SPNS2: variants seen among roughly 807,000 people sequenced by gnomAD.
The protein encoded by SPNS2 is SPNS lysolipid transporter 2, sphingosine-1-phosphate, also known as sphingosine-1-phosphate transporter SPNS2.
A neutral mutation model predicts 57.6 loss-of-function variants in SPNS2; 37 were observed. That is an observed-to-expected ratio of 0.64 (90% CI 0.49 to 0.85). SPNS2 has a LOEUF of 0.85. Among genes scored for constraint, SPNS2 ranks in the 40% least tolerant of loss-of-function variants. The pLI is 0.00. For missense variants in SPNS2, 831 were observed against 779.1 expected, an observed-to-expected ratio of 1.07 and a Z score of -0.79; for synonymous variants, 440 against 346.9, an observed-to-expected ratio of 1.27 and a Z score of -2.98.
intron 9 of SPNS2, among the ~76,000 whole-genome samples, chr17:4,534,875 C>T (rs1047576391): frequency 1.3e-5 from 2 of 152,110 alleles, no homozygotes; most frequent in Non-Finnish European, 2.9e-5. Flanking sequence ...CTCCTGCCTC[C>T]ACCCCCAGGG....
In SPNS2 at chr17:4,533,282, G is replaced by A. The variant is rs758790337; in HGVS notation, c.1128G>A (p.Leu376=). Residue 376 remains leucine (L), a synonymous_variant, in exon 8 of 13, where the codon CTG becomes CTA. Coordinates refer to ENST00000329078, the MANE Select transcript of SPNS2 (RefSeq NM_001124758.3). ...CCATCACCTGCTTTACGGGATTTCT[G>A]GGCGTGGTCACGGGGGCAGGAGCCA... is the stretch of plus-strand genomic sequence containing the variant. ...FGAITCFTGF[L]GVVTGAGATR... 23 of 1,609,730 alleles carry A rather than the reference G, an allele frequency of 1.4e-5. No homozygotes were observed. Among genetic ancestry groups the A allele is most frequent in the Non-Finnish European group, 5.1e-6 (6 of 1,177,852 alleles).
chr17:4,534,547 A>C (rs1905673116), intron 9 of SPNS2: 1 of 152,920 alleles, frequency 6.5e-6, no homozygotes, highest in African/African-American at 2.4e-5. Context: ...ACTCGGGTGG[A>C]TTCTCAGGGT....
Position 4,537,504 on chromosome 17 carries a change from C to G in SPNS2, c.*56C>G. ...CACTCCCACCTCGTCTGGGAGGTGT[C>G]CTACAGCGTCCGGGACCGGCTGGGC... On this transcript the variant is annotated 3_prime_UTR_variant, in exon 13 of 13. Coordinates refer to ENST00000329078, the MANE Select transcript of SPNS2 (RefSeq NM_001124758.3). 2.2e-6 allele frequency: 1 copy of G among 456,898 alleles called. No individual in the cohort carries two copies. Among genetic ancestry groups the G allele is most frequent in the Non-Finnish European group, 4.4e-6 (1 of 227,046 alleles). The allele number at this position is 456,898 out of a possible 1,614,324, so 28.3% of individuals were successfully genotyped here.
intron 1 of SPNS2, among the ~76,000 whole-genome samples, chr17:4,513,019 C>T (rs910772136): frequency 2.0e-5 from 3 of 152,244 alleles, no homozygotes; most frequent in African/African-American, 7.2e-5. Context: ...CCTGCCTTTC[C>T]CTGCCCCTCG....
chr17:4,536,043 CT>C, intron 9 of SPNS2, 32 bp from the exon 10 acceptor site: 1 of 1,594,644 alleles, frequency 6.3e-7, no homozygotes, highest in Non-Finnish European at 8.5e-7. Context: ...AGCCTTTCTC[CT>C]CTGGCCGCTG....
intron 2 of SPNS2, among the ~76,000 whole-genome samples, chr17:4,518,654 A>C (rs943481650): frequency 5.4e-4 from 82 of 152,286 alleles, no homozygotes; most frequent in African/African-American, 1.8e-3. Context: ...CTCACGAGGA[A>C]GTGCCAGGAT....
In SPNS2 at chr17:4,536,191, T is replaced by A; in HGVS notation, c.1443+17T>A. The A allele has an allele frequency of 6.2e-7, 1 of 1,608,290 alleles. No individual in the cohort carries two copies. The highest frequency in any genetic ancestry group is 8.5e-7 in the Non-Finnish European group (1 of 1,177,902). On this transcript the variant is annotated intron_variant, in intron 10 of 12. Coordinates refer to ENST00000329078, the MANE Select transcript of SPNS2 (RefSeq NM_001124758.3). ...ATTGGCTTTGTGAGTAGCCCCGGGG[T>A]GGGGCTGGCCAGGGCAGGCTGGGGG...
chr17:4,532,175 TATCC>T (rs1597369148), intron 5 of SPNS2, among the ~76,000 whole-genome samples: 1 of 149,618 alleles, frequency 6.7e-6, no homozygotes, highest in African/African-American at 2.5e-5. Context: ...TCTGTCCATC[TATCC>T]GTCCATCCCT....
intron 6 of SPNS2, 105 bp from the exon 7 acceptor site, chr17:4,532,872 G>T: frequency 6.7e-7 from 1 of 1,501,504 alleles, no homozygotes; most frequent in Non-Finnish European, 8.9e-7. Context: ...CCTGGAGCCT[G>T]TAAGACGAGG....
chr17:4,533,628 C>T lies in SPNS2; in HGVS notation c.1279-160C>T, dbSNP rs530443327. On this transcript the variant is annotated intron_variant, in intron 8 of 12. Coordinates refer to ENST00000329078, the MANE Select transcript of SPNS2 (RefSeq NM_001124758.3). Reference sequence around the variant, plus strand: ...CCTCTGGGTGCCTCAGGGCCGTGGGCATGGCTTGAAGTCTCTGGATAGCCC... The same window carrying T: ...CCTCTGGGTGCCTCAGGGCCGTGGGTATGGCTTGAAGTCTCTGGATAGCCC... 1.4e-5 allele frequency: 15 copies of T among 1,036,294 alleles called. No homozygotes were observed. The East Asian group carries it at 3.1e-4, about 21-fold the overall frequency. The allele number at this position is 1,036,294 out of a possible 1,614,324, so 64.2% of individuals were successfully genotyped here.
At chr17:4,514,898 G>C (rs992667522) in intron 2 of SPNS2, among the ~76,000 whole-genome samples, 3 of 152,206 alleles carry the variant, frequency 2.0e-5, no homozygotes, top group Non-Finnish European at 2.9e-5. Flanking sequence ...CCCCCGCCCT[G>C]TGTGGCCCCT....
intron 2 of SPNS2, among the ~76,000 whole-genome samples, chr17:4,514,001 C>T (rs1035653416): frequency 1.3e-5 from 2 of 152,220 alleles, no homozygotes; most frequent in Non-Finnish European, 2.9e-5. Context: ...AGCCCACCAG[C>T]CCCTCCCTCC....
intron 3 of SPNS2, among the ~76,000 whole-genome samples, chr17:4,528,264 C>G (rs1183428258): frequency 6.6e-6 from 1 of 151,990 alleles, no homozygotes; most frequent in Admixed American, 6.6e-5. Flanking sequence ...CTCAGGTGAT[C>G]CTACCGCCTC....
At chr17:4,517,884 GA>G (rs1346587105) in intron 2 of SPNS2, among the ~76,000 whole-genome samples, 1 of 152,166 alleles carries the variant, frequency 6.6e-6, no homozygotes. Context: ...TACCAGAAGT[GA>G]AAAATATGTA....
chr17:4,514,101 G>A (rs987412299), intron 2 of SPNS2, among the ~76,000 whole-genome samples: 3 of 152,246 alleles, frequency 2.0e-5, no homozygotes, highest in African/African-American at 7.2e-5. Context: ...CACTGGCTGA[G>A]GCCATGTTGG....
chr17:4,499,410 C>T lies in SPNS2; in HGVS notation c.363C>T (p.Thr121=). Residue 121 remains threonine, a synonymous_variant, in exon 1 of 13, where the codon ACC becomes ACT. Coordinates refer to ENST00000329078, the MANE Select transcript of SPNS2 (RefSeq NM_001124758.3). The surrounding 1 kb of genome is among the most constrained non-coding windows in gnomAD (Gnocchi z 5.2). The part of the protein sequence containing the change: ...GNVLNYLDRY[T]VAGVLLDIQQ... ...TGCTCAACTACCTGGACAGGTACAC[C>T]GTGGCAGGTGAGCGAGTGCCCCACC... 3 of 1,337,586 alleles carry T rather than the reference C, an allele frequency of 2.2e-6. No individual in the cohort carries two copies. Among genetic ancestry groups the T allele is most frequent in the Non-Finnish European group, 2.9e-6 (3 of 1,042,116 alleles). 82.9% of individuals were successfully genotyped at this position (1,337,586 alleles called of 1,614,324 possible). A position where few individuals can be genotyped will look rare whatever the true frequency, so the allele number is the denominator to read the frequency against.
chr17:4,521,105 G>T (rs1173416542), intron 2 of SPNS2, among the ~76,000 whole-genome samples: 1 of 152,122 alleles, frequency 6.6e-6, no homozygotes, highest in Non-Finnish European at 1.5e-5. Flanking sequence ...TCATTATCCT[G>T]GCAGGATCTG....
intron 2 of SPNS2, among the ~76,000 whole-genome samples, chr17:4,516,344 C>CA (rs796542293): frequency 5.2e-4 from 18 of 34,436 alleles, no homozygotes; most frequent in South Asian, 3.3e-3. Flanking sequence ...AAAAAAAAAA[C>CA]AAAAAAACCG....
intron 9 of SPNS2, 72 bp downstream of exon 9, chr17:4,533,925 A>C: frequency 4.1e-6 from 3 of 733,206 alleles, no homozygotes; most frequent in Non-Finnish European, 6.9e-6. Flanking sequence ...GTGCCTGGGG[A>C]GGGCGGGTGA....
Sources: gnomAD v4.1 joint callset for allele counts (sites outside exome capture counted in the v4.1 genomes callset) on GRCh38, gnomAD v4.1.1 for gene constraint, Gnocchi (gnomAD v3.1) non-coding constraint, MANE v1.5 for transcripts, NCBI Gene and HGNC (gene_info 2026-07-23, HGNC 2026-07-21) for gene names.